The following HECTD2 variants were observed in gnomAD, a reference collection of about 807,000 sequenced individuals.
HECTD2 encodes HECT domain E3 ubiquitin protein ligase 2.
HECTD2 carries 35 observed loss-of-function variants against 103.2 expected under a neutral mutation model. The observed-to-expected ratio is 0.34, with a 90% CI of 0.26 to 0.45. HECTD2 has a LOEUF of 0.45. Ranked by LOEUF, HECTD2 falls within the 20% of genes least tolerant of loss-of-function variation. The probability of loss-of-function intolerance (pLI) is 1.00; values close to 1 mark genes in which losing one functional copy is unlikely to be tolerated. For missense variants in HECTD2, 596 were observed against 937.4 expected, an observed-to-expected ratio of 0.64 and a Z score of 4.76; for synonymous variants, 281 against 329.9, an observed-to-expected ratio of 0.85 and a Z score of 1.61.
intron 1 of HECTD2, among the ~76,000 whole-genome samples, chr10:91,418,278 T>C (rs909050941): frequency 2.6e-5 from 4 of 152,236 alleles, no homozygotes; most frequent in Admixed American, 6.5e-5. Context: ...ATAACCATAA[T>C]GTATTCATGT....
At chr10:91,482,059 G>A (rs1311701621) in intron 7 of HECTD2, among the ~76,000 whole-genome samples, 1 of 151,738 alleles carries the variant, frequency 6.6e-6, no homozygotes, top group Non-Finnish European at 1.5e-5. Flanking sequence ...ATAAACATAT[G>A]TAGAGATAGT....
At chr10:91,420,443 G>A (rs1268001575) in intron 1 of HECTD2, among the ~76,000 whole-genome samples, 1 of 138,272 alleles carries the variant, frequency 7.2e-6, no homozygotes, top group East Asian at 2.0e-4. Context: ...AAAAAAAAAA[G>A]CTGGGCATGG....
At chr10:91,446,219 C>T (rs1436768588) in intron 2 of HECTD2, among the ~76,000 whole-genome samples, 3 of 149,422 alleles carry the variant, frequency 2.0e-5, no homozygotes, top group African/African-American at 7.3e-5. Context: ...TCTGCTGTGC[C>T]ATACCCAGGC....
intron 2 of HECTD2, among the ~76,000 whole-genome samples, chr10:91,459,816 A>C (rs1845267145): frequency 6.6e-6 from 1 of 152,132 alleles, no homozygotes; most frequent in Admixed American, 6.6e-5. Context: ...TAAATAAACA[A>C]ATGCTTATCA....
At chr10:91,456,702 T>C (rs1220930001) in intron 2 of HECTD2, among the ~76,000 whole-genome samples, 1 of 152,122 alleles carries the variant, frequency 6.6e-6, no homozygotes, top group Non-Finnish European at 1.5e-5. Flanking sequence ...AGTATGATAT[T>C]GGCTGTGGGT....
At chr10:91,488,487 G>A (rs924098172) in intron 11 of HECTD2, 38 of 152,118 alleles carry the variant, frequency 2.5e-4, no homozygotes, top group African/African-American at 9.2e-4. Flanking sequence ...ATTTGTTTAA[G>A]TGCTTATGTA....
intron 2 of HECTD2, among the ~76,000 whole-genome samples, chr10:91,427,112 G>A (rs1298826292): frequency 1.4e-5 from 2 of 147,308 alleles, no homozygotes; most frequent in East Asian, 2.0e-4. Flanking sequence ...TTGGTTTTTT[G>A]TCCTTGCGAT....
At position 91,492,447 on chromosome 10, in the gene HECTD2, CCTT is replaced by C; in HGVS notation, c.1401_1403del (p.Leu468del). 1 of 1,612,700 alleles carries C rather than the reference CCTT, an allele frequency of 6.2e-7. No individual in the cohort carries two copies. Among genetic ancestry groups the C allele is most frequent in the Non-Finnish European group, 8.5e-7 (1 of 1,178,952 alleles). On this transcript the variant is annotated inframe_deletion, in exon 13 of 21. Coordinates refer to ENST00000298068, the MANE Select transcript of HECTD2 (RefSeq NM_182765.6). ...TGGGTGGTTTGACTAAAGAATGGTT[CCTT>C]CTTCTAATTCGCCAAATTTTTCATC...
chr10:91,410,285 G>A (rs894707198), upstream of HECTD2: 167 of 219,988 alleles, frequency 7.6e-4, no homozygotes, highest in Non-Finnish European at 1.1e-3. Flanking sequence ...CGCGCGCAAA[G>A]GCGCGGGCGC....
At chr10:91,433,653 C>T (rs542970046) in intron 2 of HECTD2, among the ~76,000 whole-genome samples, 3 of 151,960 alleles carry the variant, frequency 2.0e-5, no homozygotes, top group Non-Finnish European at 2.9e-5. Context: ...ATGAATGACT[C>T]TGTACATATG....
chr10:91,507,768 CTACTT>C (rs1299669658), intron 20 of HECTD2, among the ~76,000 whole-genome samples: 1 of 132,798 alleles, frequency 7.5e-6, no homozygotes, highest in African/African-American at 3.4e-5. Context: ...TTGGAAAAAA[CTACTT>C]TAAAGTTCAT....
At chr10:91,428,863 C>G (rs1417855026) in intron 2 of HECTD2, among the ~76,000 whole-genome samples, 1 of 151,998 alleles carries the variant, frequency 6.6e-6, no homozygotes, top group African/African-American at 2.4e-5. Context: ...ATTGAATACC[C>G]TTTATGTCCT....
At chr10:91,511,355 A>G (rs536797666) in intron 20 of HECTD2, among the ~76,000 whole-genome samples, 26 of 152,324 alleles carry the variant, frequency 1.7e-4, no homozygotes, top group African/African-American at 6.3e-4. Flanking sequence ...AGGGGCATCT[A>G]CTGTCCCCAA....
Position 91,492,323 on chromosome 10 carries a change from C to G in HECTD2, c.1300-29C>G, listed in dbSNP as rs765462321. On this transcript the variant is annotated intron_variant, in intron 12 of 20. Transcript: ENST00000298068. ...AATTCTCTTTTCACTGCTCTTTGTT[C>G]TCCTCTACTGTATAATATCTTCAAA... 8.8e-6 allele frequency: 14 copies of G among 1,595,928 alleles called. No individual in the cohort carries two copies. The African/African-American group carries it at 1.9e-4, about 21-fold the overall frequency.
intron 5 of HECTD2, among the ~76,000 whole-genome samples, chr10:91,464,239 C>T (rs1386590775): frequency 6.6e-6 from 1 of 152,144 alleles, no homozygotes; most frequent in Non-Finnish European, 1.5e-5. Flanking sequence ...CAGTTATATA[C>T]TGAACAACCT....
At chr10:91,465,519 TC>T (rs1214717039) in intron 5 of HECTD2, among the ~76,000 whole-genome samples, 1 of 151,676 alleles carries the variant, frequency 6.6e-6, no homozygotes, top group Non-Finnish European at 1.5e-5. Context: ...TGAACCTGGA[TC>T]ATCTAGTATC....
chr10:91,477,310 GTTGTC>G (rs1473512043), intron 5 of HECTD2, among the ~76,000 whole-genome samples: 1 of 152,212 alleles, frequency 6.6e-6, no homozygotes, highest in Non-Finnish European at 1.5e-5. Flanking sequence ...TTGAAATATA[GTTGTC>G]TTGAAGTGTA....
Position 91,410,404 on chromosome 10 carries a change from C to T in HECTD2, c.-35C>T, listed in dbSNP as rs1289902535. ...CCAGCCCCAGCAACACTGAGGCCGC[C>T]GCCGCCGCCTGGCGCTCCCGCCGCC... On this transcript the variant is annotated 5_prime_UTR_variant, in exon 1 of 21. Coordinates refer to ENST00000298068, the MANE Select transcript of HECTD2 (RefSeq NM_182765.6). The T allele has an allele frequency of 3.7e-6, 5 of 1,339,434 alleles. No individual in the cohort carries two copies. The highest frequency in any genetic ancestry group is 4.8e-6 in the Non-Finnish European group (5 of 1,046,868). 83.0% of individuals were successfully genotyped at this position (1,339,434 alleles called of 1,614,324 possible).
At chr10:91,506,217 G>C (rs1230218463) in intron 20 of HECTD2, among the ~76,000 whole-genome samples, 14 of 149,852 alleles carry the variant, frequency 9.3e-5, no homozygotes, top group South Asian at 4.2e-4. Flanking sequence ...AAAAGAACTA[G>C]AAAAGCAAGA....
Sources: gnomAD v4.1 joint callset for allele counts (sites outside exome capture counted in the v4.1 genomes callset) on GRCh38, gnomAD v4.1.1 for gene constraint, MANE v1.5 for transcripts, NCBI Gene and HGNC (gene_info 2026-07-23, HGNC 2026-07-21) for gene names.